Variants in GNAZ observed in about 807,000 individuals in gnomAD.
GNAZ encodes the protein G protein subunit alpha z, also known as guanine nucleotide-binding protein G(z) subunit alpha.
Under a neutral mutation model 25.4 loss-of-function variants are expected in GNAZ, and 3 were observed. The observed-to-expected ratio is 0.12, with a 90% CI of 0.05 to 0.30. GNAZ has a LOEUF of 0.30. Ranked by LOEUF, GNAZ falls within the 10% of genes least tolerant of loss-of-function variation. GNAZ has a pLI of 1.00. For synonymous variants in GNAZ, 211 were observed against 205.7 expected (o/e 1.03, Z -0.22); for missense variants, 241 against 501.8 (o/e 0.48, Z 4.97).
intron 1 of GNAZ, among the ~76,000 whole-genome samples, chr22:23,074,916 C>G (rs566314455): frequency 3.3e-5 from 5 of 152,270 alleles, no homozygotes; most frequent in African/African-American, 4.8e-5. Flanking sequence ...CACCTGTAAT[C>G]CTATACTATG....
At chr22:23,089,193 A>T (rs8136097) in intron 1 of GNAZ, among the ~76,000 whole-genome samples, 1,755 of 152,316 alleles carry the variant, frequency 0.012, 37 homozygotes, top group African/African-American at 0.04. Context: ...CTATAAGCTG[A>T]TAAGTCTTCC....
At chr22:23,101,781 C>A (rs1451086622) in intron 2 of GNAZ, among the ~76,000 whole-genome samples, 1 of 152,208 alleles carries the variant, frequency 6.6e-6, no homozygotes, top group Non-Finnish European at 1.5e-5. Flanking sequence ...ACTGGGCTCC[C>A]AAGGACTGGA....
intron 2 of GNAZ, among the ~76,000 whole-genome samples, chr22:23,118,019 A>G (rs768919443): frequency 6.6e-6 from 1 of 152,156 alleles, no homozygotes; most frequent in Non-Finnish European, 1.5e-5. Flanking sequence ...AATACCCCAG[A>G]CCCGCAGGCC....
At chr22:23,093,698 G>A (rs970423076) in intron 1 of GNAZ, among the ~76,000 whole-genome samples, 1 of 152,186 alleles carries the variant, frequency 6.6e-6, no homozygotes, top group East Asian at 1.9e-4. Context: ...GTCGCCAGAG[G>A]CCACACAACC....
At chr22:23,072,849 A>G (rs1023197946) in intron 1 of GNAZ, among the ~76,000 whole-genome samples, 1 of 152,194 alleles carries the variant, frequency 6.6e-6, no homozygotes, top group Non-Finnish European at 1.5e-5. Context: ...GCCCCACCAG[A>G]GTGGCCAGAA....
intron 1 of GNAZ, among the ~76,000 whole-genome samples, chr22:23,072,689 G>T (rs1289651644): frequency 6.6e-6 from 1 of 152,256 alleles, no homozygotes; most frequent in East Asian, 1.9e-4. Context: ...AGGGTGAGCT[G>T]CTGTGCTCTG....
intron 2 of GNAZ, among the ~76,000 whole-genome samples, chr22:23,111,771 C>T (rs952514915): frequency 2.0e-5 from 3 of 152,214 alleles, no homozygotes; most frequent in African/African-American, 7.2e-5. Context: ...GGCAAGCGGC[C>T]AGGCTCCACA....
At chr22:23,117,158 G>A (rs1294616908) in intron 2 of GNAZ, among the ~76,000 whole-genome samples, 2 of 152,102 alleles carry the variant, frequency 1.3e-5, no homozygotes, top group Non-Finnish European at 2.9e-5. Context: ...AGGAACGTTG[G>A]TAACTGGAAG....
intron 2 of GNAZ, among the ~76,000 whole-genome samples, chr22:23,111,279 G>T (rs919558961): frequency 6.6e-6 from 1 of 152,204 alleles, no homozygotes; most frequent in Non-Finnish European, 1.5e-5. Flanking sequence ...AGCCAGAGAG[G>T]CTCTCCTGTG....
intron 1 of GNAZ, among the ~76,000 whole-genome samples, chr22:23,081,256 C>T (rs368621174): frequency 1.2e-3 from 180 of 152,246 alleles, no homozygotes; most frequent in African/African-American, 4.2e-3. Context: ...CGAGATGTCA[C>T]GCAAGGTGTG....
At chr22:23,111,374 C>T (rs960107916) in intron 2 of GNAZ, among the ~76,000 whole-genome samples, 8 of 152,194 alleles carry the variant, frequency 5.3e-5, no homozygotes, top group Non-Finnish European at 1.0e-4. Flanking sequence ...GCACTGGACT[C>T]GGTTCCGCCT....
chr22:23,084,458 C>T (rs774182689), intron 1 of GNAZ, among the ~76,000 whole-genome samples: 1 of 152,164 alleles, frequency 6.6e-6, no homozygotes, highest in Non-Finnish European at 1.5e-5. Flanking sequence ...ACATTTTCAA[C>T]TTAGGATGGG....
At chr22:23,112,047 C>G (rs2069672798) in intron 2 of GNAZ, among the ~76,000 whole-genome samples, 1 of 152,176 alleles carries the variant, frequency 6.6e-6, no homozygotes, top group Non-Finnish European at 1.5e-5. Flanking sequence ...TGGGGGTAAC[C>G]AGGAAAGGAC....
chr22:23,073,824 A>G, intron 1 of GNAZ, among the ~76,000 whole-genome samples: 1 of 152,098 alleles, frequency 6.6e-6, no homozygotes, highest in Non-Finnish European at 1.5e-5. Flanking sequence ...GGGACGTAGC[A>G]TCCACTCACA....
At position 23,124,439 on chromosome 22, in the gene GNAZ, C is replaced by T; in HGVS notation, c.*1008C>T. The T allele has an allele frequency of 6.4e-6, 3 of 469,226 alleles. No homozygotes were observed. Among genetic ancestry groups the T allele is most frequent in the South Asian group, 3.1e-5 (2 of 64,258 alleles). 29.1% of individuals were successfully genotyped at this position (469,226 alleles called of 1,614,324 possible). A position where few individuals can be genotyped will look rare whatever the true frequency, so the allele number is the denominator to read the frequency against. ...GTGAGTGGCAGTCCTGCGCCAGCCT[C>T]GCGGGACACGTGTTGTACATAAGCC... is the stretch of plus-strand genomic sequence containing the variant. On this transcript the variant is annotated 3_prime_UTR_variant, in exon 3 of 3. Coordinates refer to ENST00000615612, the MANE Select transcript of GNAZ (RefSeq NM_002073.4).
chr22:23,078,218 G>A (rs752357299), intron 1 of GNAZ, among the ~76,000 whole-genome samples: 38 of 152,236 alleles, frequency 2.5e-4, no homozygotes, highest in Non-Finnish European at 4.1e-4. Flanking sequence ...GAAATGCTGG[G>A]AAGAAAAATA....
intron 2 of GNAZ, chr22:23,122,234 T>C (rs1199197684): frequency 6.6e-6 from 1 of 152,254 alleles, no homozygotes; most frequent in African/African-American, 2.4e-5. Flanking sequence ...ATCATGCTTC[T>C]TAAAAGCCCA....
chr22:23,080,936 GC>G (rs760822924), intron 1 of GNAZ, among the ~76,000 whole-genome samples: 1 of 152,214 alleles, frequency 6.6e-6, no homozygotes, highest in Non-Finnish European at 1.5e-5. Flanking sequence ...CTCCAGGGCA[GC>G]GGGCACTCTC....
chr22:23,101,275 TCCTGGCACTGGCC>T (rs1456976811), intron 2 of GNAZ, among the ~76,000 whole-genome samples: 1 of 151,856 alleles, frequency 6.6e-6, no homozygotes, highest in Non-Finnish European at 1.5e-5. Flanking sequence ...TCAGGGAGGG[TCCTGGCACTGGCC>T]CCTGGGAATT....
Sources: gnomAD v4.1 joint callset for allele counts (sites outside exome capture counted in the v4.1 genomes callset) on GRCh38, gnomAD v4.1.1 for gene constraint, MANE v1.5 for transcripts, NCBI Gene and HGNC (gene_info 2026-07-23, HGNC 2026-07-21) for gene names.